Variants in CACNA1D observed in about 807,000 individuals in gnomAD.
CACNA1D encodes voltage-dependent L-type calcium channel subunit alpha-1D.
Under a neutral mutation model 257.1 loss-of-function variants are expected in CACNA1D, and 55 were observed. That is an observed-to-expected ratio of 0.21 (90% CI 0.17 to 0.27). The LOEUF (loss-of-function observed/expected upper bound fraction) is 0.27. Ranked by LOEUF, CACNA1D falls within the 10% of genes least tolerant of loss-of-function variation. The pLI, the probability that CACNA1D is intolerant of heterozygous loss-of-function variation, is 1.00. For synonymous variants in CACNA1D, 980 were observed against 1,014.9 expected (o/e 0.97, Z 0.65); for missense variants, 1,876 against 2,784.0 (o/e 0.67, Z 7.34).
chr3:53,608,916 A>G (rs566424710), intron 3 of CACNA1D, among the ~76,000 whole-genome samples: 1 of 152,302 alleles, frequency 6.6e-6, no homozygotes, highest in South Asian at 2.1e-4. Flanking sequence ...GTCTGTGTAC[A>G]TGAGGGATAT....
chr3:53,709,931 A>G (rs1367150763), intron 9 of CACNA1D, among the ~76,000 whole-genome samples: 1 of 152,222 alleles, frequency 6.6e-6, no homozygotes, highest in African/African-American at 2.4e-5. Context: ...ACCTGTCCAC[A>G]GTCTTCTGAC....
At chr3:53,624,515 G>C (rs1204651481) in intron 3 of CACNA1D, among the ~76,000 whole-genome samples, 2 of 152,108 alleles carry the variant, frequency 1.3e-5, no homozygotes, top group African/African-American at 4.8e-5. Flanking sequence ...GTGTTTTGAG[G>C]GGCCTTTACT....
intron 8 of CACNA1D, among the ~76,000 whole-genome samples, chr3:53,695,007 G>A (rs2094560834): frequency 6.6e-6 from 1 of 152,154 alleles, no homozygotes; most frequent in South Asian, 2.1e-4. Flanking sequence ...TTGTTCTGTC[G>A]TCAGAGCGCC....
At chr3:53,725,679 T>C (rs2094928738) in intron 14 of CACNA1D, among the ~76,000 whole-genome samples, 1 of 152,188 alleles carries the variant, frequency 6.6e-6, no homozygotes, top group Admixed American at 6.5e-5. Context: ...ACTGTTCTTA[T>C]CAGGAGTGAG....
At chr3:53,659,297 GAAT>G in intron 4 of CACNA1D, among the ~76,000 whole-genome samples, 1 of 152,296 alleles carries the variant, frequency 6.6e-6, no homozygotes, top group African/African-American at 2.4e-5. Flanking sequence ...TCAAGAGAGA[GAAT>G]GATGATATTA....
chr3:53,563,762 C>A (rs1222239126), intron 3 of CACNA1D, among the ~76,000 whole-genome samples: 1 of 152,106 alleles, frequency 6.6e-6, no homozygotes, highest in African/African-American at 2.4e-5. Flanking sequence ...ATACCATGAT[C>A]TATCTATACT....
chr3:53,545,715 G>T (rs2092397954), intron 3 of CACNA1D, among the ~76,000 whole-genome samples: 1 of 152,184 alleles, frequency 6.6e-6, no homozygotes, highest in African/African-American at 2.4e-5. Context: ...CGATTTGTTT[G>T]ATGCAATTAG....
chr3:53,627,671 G>A (rs567021316), intron 3 of CACNA1D, among the ~76,000 whole-genome samples: 16 of 151,996 alleles, frequency 1.1e-4, no homozygotes, highest in Non-Finnish European at 2.1e-4. Context: ...GGCTTAGTGA[G>A]CCCTGGGCTG....
chr3:53,650,431 T>C (rs2094077691), intron 3 of CACNA1D, among the ~76,000 whole-genome samples: 1 of 152,250 alleles, frequency 6.6e-6, no homozygotes, highest in South Asian at 2.1e-4. Context: ...TTTGGCAACC[T>C]CAGGAGGAAA....
At chr3:53,775,540 C>T (rs1369305762) in intron 34 of CACNA1D, among the ~76,000 whole-genome samples, 1 of 152,156 alleles carries the variant, frequency 6.6e-6, no homozygotes, top group African/African-American at 2.4e-5. Context: ...GCCTGGGCAA[C>T]AGAGCAAAAC....
At chr3:53,780,479 G>C (rs1161414804) in intron 38 of CACNA1D, among the ~76,000 whole-genome samples, 4 of 152,204 alleles carry the variant, frequency 2.6e-5, no homozygotes. Context: ...CCTGCAGTGA[G>C]GGATTTCACT....
At chr3:53,743,498 A>G (rs1211606719) in intron 22 of CACNA1D, among the ~76,000 whole-genome samples, 2 of 152,230 alleles carry the variant, frequency 1.3e-5, no homozygotes, top group Non-Finnish European at 1.5e-5. Flanking sequence ...GGCTGGGACC[A>G]GGTGGCCTTT....
chr3:53,785,807 G>A (rs146604603), intron 39 of CACNA1D: 277 of 152,428 alleles, frequency 1.8e-3, no homozygotes, highest in South Asian at 0.011. Flanking sequence ...ACATCAGCAT[G>A]TAGATCTTGC....
chr3:53,580,595 C>G (rs1243159347), intron 3 of CACNA1D, among the ~76,000 whole-genome samples: 1 of 152,200 alleles, frequency 6.6e-6, no homozygotes, highest in Non-Finnish European at 1.5e-5. Context: ...GTGACTTCCT[C>G]TAGATGCAGG....
At position 53,745,519 on chromosome 3, in the gene CACNA1D, G is replaced by C. The variant is rs1167781665; in HGVS notation, c.3007-105G>C. On this transcript the variant is annotated intron_variant, in intron 23 of 47. Coordinates refer to ENST00000350061, the MANE Select transcript of CACNA1D (RefSeq NM_001128840.3). ...GCCTCCCAAAGTGCTGGGATTAGAG[G>C]TGTGAGCCACTGTGCCTGGCCAACA... The C allele has an allele frequency of 6.8e-6, 5 of 734,420 alleles. No homozygotes were observed. The East Asian group carries it at 1.1e-4, about 16-fold the overall frequency. The allele number at this position is 734,420 out of a possible 1,614,324, so 45.5% of individuals were successfully genotyped here.
intron 26 of CACNA1D, 93 bp downstream of exon 26, chr3:53,747,541 A>T: frequency 7.5e-7 from 1 of 1,335,010 alleles, no homozygotes; most frequent in Non-Finnish European, 1.1e-6. Context: ...TCTGTTCTCC[A>T]GTGTCGCAGG....
At chr3:53,629,393 G>A (rs1308685726) in intron 3 of CACNA1D, among the ~76,000 whole-genome samples, 1 of 152,204 alleles carries the variant, frequency 6.6e-6, no homozygotes, top group Non-Finnish European at 1.5e-5. Context: ...GGGATTGTAT[G>A]CACTTTACCT....
At chr3:53,719,986 C>T (rs1403933659) in intron 11 of CACNA1D, among the ~76,000 whole-genome samples, 1 of 152,100 alleles carries the variant, frequency 6.6e-6, no homozygotes, top group Non-Finnish European at 1.5e-5. Flanking sequence ...CAAAGTAAAC[C>T]AATAAGACTC....
At chr3:53,768,910 C>T (rs921768916) in intron 30 of CACNA1D, among the ~76,000 whole-genome samples, 2 of 152,216 alleles carry the variant, frequency 1.3e-5, no homozygotes, top group Non-Finnish European at 2.9e-5. Context: ...ACACACTGTA[C>T]AGAAAGCGTC....
Sources: allele counts gnomAD v4.1 joint callset (sites outside exome capture counted in the v4.1 genomes callset), GRCh38; gene constraint gnomAD v4.1.1; transcripts MANE v1.5; gene names NCBI Gene and HGNC (gene_info 2026-07-23, HGNC 2026-07-21).